SRGAP2: variants seen among roughly 807,000 people sequenced by gnomAD.
SRGAP2 encodes the protein SLIT-ROBO Rho GTPase-activating protein 2.
SRGAP2 carries 15 observed loss-of-function variants against 57.2 expected under a neutral mutation model. The ratio of observed to expected loss-of-function variants is 0.26; its 90% CI spans 0.18 to 0.40. SRGAP2 has a LOEUF of 0.40. SRGAP2 is among the 10% of genes least tolerant of loss of function. SRGAP2 has a pLI of 1.00. For missense variants in SRGAP2, 520 were observed against 669.6 expected, an observed-to-expected ratio of 0.78 and a Z score of 2.47; for synonymous variants, 249 against 248.0, an observed-to-expected ratio of 1.00 and a Z score of -0.04.
intron 2 of SRGAP2, among the ~76,000 whole-genome samples, chr1:206,255,818 G>C (rs1669148723): frequency 6.6e-6 from 1 of 152,076 alleles, no homozygotes; most frequent in South Asian, 2.1e-4. Context: ...AAAGCTCTAG[G>C]AGCTTTGCTC....
chr1:206,460,960 G>T, intron 22 of SRGAP2, 77 bp from the exon 23 acceptor site: 1 of 648,384 alleles, frequency 1.5e-6, no homozygotes, highest in Non-Finnish European at 2.8e-6. Context: ...TCATGCCTTG[G>T]CCTGTGTTGT....
chr1:206,383,817 A>G (rs2103063377), intron 4 of SRGAP2, among the ~76,000 whole-genome samples, 197 bp from the exon 5 acceptor site: 1 of 145,862 alleles, frequency 6.9e-6, no homozygotes, highest in South Asian at 2.1e-4. Context: ...TAGAGAGGGC[A>G]CATTTCATTT....
intron 7 of SRGAP2, 122 bp from the exon 8 acceptor site, chr1:206,401,299 C>T (rs375809441): frequency 1.7e-4 from 121 of 716,144 alleles, no homozygotes; most frequent in African/African-American, 9.6e-4. Flanking sequence ...GAATGTCAGC[C>T]CTCTTTCTAC....
At chr1:206,421,483 C>T (rs2103248782) in intron 13 of SRGAP2, among the ~76,000 whole-genome samples, 1 of 152,336 alleles carries the variant, frequency 6.6e-6, no homozygotes, top group South Asian at 2.1e-4. Flanking sequence ...ACTTGTCCCT[C>T]TCCTTTCTAG....
chr1:206,250,167 C>G (rs1432644111), intron 2 of SRGAP2, among the ~76,000 whole-genome samples: 4 of 151,778 alleles, frequency 2.6e-5, no homozygotes, highest in African/African-American at 9.7e-5. Context: ...ACTCTTTAAT[C>G]ATAAAGTCAG....
rs1664348345 is a variant in SRGAP2, at chr1:206,462,853, C to T, written c.*1433C>T. On this transcript the variant is annotated 3_prime_UTR_variant, in exon 23 of 23. Transcript: ENST00000573034. ...AGTCTCCAAACCTGGTGCCTGTGCT[C>T]CTGGCCCCCCTAGCATCATGCTATC... is the stretch of plus-strand genomic sequence containing the variant. 2 of 152,328 alleles carry T rather than the reference C, an allele frequency of 1.3e-5. No individual in the cohort carries two copies. The highest frequency in any genetic ancestry group is 2.4e-5 in the African/African-American group (1 of 41,576). The allele number at this position is 152,328 out of a possible 1,614,324, so 9.4% of individuals were successfully genotyped here. A position where few individuals can be genotyped will look rare whatever the true frequency, so the allele number is the denominator to read the frequency against.
chr1:206,435,503 A>G (rs1475995269), intron 14 of SRGAP2, among the ~76,000 whole-genome samples: 1 of 152,200 alleles, frequency 6.6e-6, no homozygotes, highest in Non-Finnish European at 1.5e-5. Context: ...CACTGATGAC[A>G]CACTTGCTGG....
At chr1:206,417,417 T>G (rs1234422528) in intron 11 of SRGAP2, among the ~76,000 whole-genome samples, 2 of 139,602 alleles carry the variant, frequency 1.4e-5, no homozygotes, top group Non-Finnish European at 3.1e-5. Context: ...CTTATGACTT[T>G]TTTTTTTTTT....
intron 11 of SRGAP2, 121 bp downstream of exon 11, chr1:206,416,094 T>C (rs1659680095): frequency 3.3e-6 from 2 of 614,686 alleles, no homozygotes; most frequent in African/African-American, 3.7e-5. Flanking sequence ...TGCCTTTCTT[T>C]TCTTGGCTTG....
intron 2 of SRGAP2, chr1:206,214,865 C>T (rs1571583469): frequency 6.6e-6 from 1 of 152,192 alleles, no homozygotes; most frequent in East Asian, 1.9e-4. Context: ...TTCTGGGATT[C>T]CTTCCTTAAT....
chr1:206,351,031 A>C (rs1445575491), intron 4 of SRGAP2, among the ~76,000 whole-genome samples: 1 of 152,116 alleles, frequency 6.6e-6, no homozygotes, highest in Non-Finnish European at 1.5e-5. Context: ...AATGAGATTT[A>C]AAACTAAAAG....
intron 2 of SRGAP2, among the ~76,000 whole-genome samples, chr1:206,240,265 CAAAAA>C (rs72152960): frequency 3.6e-5 from 3 of 84,104 alleles, no homozygotes; most frequent in Non-Finnish European, 2.4e-5. Context: ...GACAACGTCT[CAAAAA>C]AAAAAAAAAA....
chr1:206,277,654 T>G (rs1477064261), intron 2 of SRGAP2, among the ~76,000 whole-genome samples: 6 of 149,036 alleles, frequency 4.0e-5, no homozygotes, highest in Non-Finnish European at 7.4e-5. Context: ...AACATTTGCA[T>G]TTCAGTTGTT....
chr1:206,391,317 C>A (rs1553350358), intron 5 of SRGAP2, among the ~76,000 whole-genome samples: 1 of 124,846 alleles, frequency 8.0e-6, no homozygotes, highest in Non-Finnish European at 1.7e-5. Context: ...CCAGTCCTAT[C>A]CAGAGGAGAG....
At chr1:206,275,616 A>ATT (rs1163388297) in intron 2 of SRGAP2, among the ~76,000 whole-genome samples, 2 of 123,198 alleles carry the variant, frequency 1.6e-5, no homozygotes, top group African/African-American at 3.4e-5. Context: ...TTAAATTTAA[A>ATT]TTTTTTTTTT....
At chr1:206,429,291 T>TA (rs1364655188) in intron 13 of SRGAP2, among the ~76,000 whole-genome samples, 2 of 152,222 alleles carry the variant, frequency 1.3e-5, no homozygotes, top group East Asian at 3.8e-4. Flanking sequence ...TTTTCTATCT[T>TA]ACCTTTATAC....
chr1:206,313,204 T>C (rs1454759517), intron 3 of SRGAP2, among the ~76,000 whole-genome samples: 1 of 139,050 alleles, frequency 7.2e-6, no homozygotes, highest in African/African-American at 2.7e-5. Context: ...CACATATTTG[T>C]TGACTATTTT....
chr1:206,461,554 C>T lies in SRGAP2; in HGVS notation c.*134C>T, dbSNP rs1553380815. The T allele has an allele frequency of 1.1e-5, 7 of 647,046 alleles. No individual in the cohort carries two copies. The highest frequency in any genetic ancestry group is 5.8e-5 in the South Asian group (3 of 51,350). 40.1% of individuals were successfully genotyped at this position (647,046 alleles called of 1,614,324 possible). ...TTGTTCTTGCAGGAATTAGCCTCCC[C>T]GTCTCCCAAAACCTTGAGAATGAAG... is the stretch of plus-strand genomic sequence containing the variant. On this transcript the variant is annotated 3_prime_UTR_variant, in exon 23 of 23. Coordinates refer to ENST00000573034, the MANE Select transcript of SRGAP2 (RefSeq NM_015326.5).
At chr1:206,207,632 T>G (rs566449421) in intron 2 of SRGAP2, 24 of 150,142 alleles carry the variant, frequency 1.6e-4, no homozygotes, top group African/African-American at 5.6e-4. Flanking sequence ...CTTTTTTTTT[T>G]TTTTTTTTTA....
Sources: gnomAD v4.1 joint callset for allele counts (sites outside exome capture counted in the v4.1 genomes callset) on GRCh38, gnomAD v4.1.1 for gene constraint, MANE v1.5 for transcripts, NCBI Gene and HGNC (gene_info 2026-07-23, HGNC 2026-07-21) for gene names.